GPC5: variants seen among roughly 807,000 people sequenced by gnomAD.
The protein encoded by GPC5 is glypican 5.
A neutral mutation model predicts 53.9 loss-of-function variants in GPC5; 47 were observed. The ratio of observed to expected loss-of-function variants is 0.87; its 90% CI spans 0.69 to 1.11. The LOEUF is 1.11. Ranked by LOEUF, GPC5 falls within the 50% of genes most tolerant of loss-of-function variation. The pLI, the probability that GPC5 is intolerant of heterozygous loss-of-function variation, is 0.00. For missense variants in GPC5, 748 were observed against 713.1 expected (o/e 1.05, Z -0.56); for synonymous variants, 286 against 263.3 (o/e 1.09, Z -0.84).
chr13:92,119,567 ATTTTTTTTTT>A (rs59391576), intron 6 of GPC5, among the ~76,000 whole-genome samples: 2 of 70,614 alleles, frequency 2.8e-5, no homozygotes, highest in Non-Finnish European at 4.9e-5. Flanking sequence ...CGCCTGGCTA[ATTTTTTTTTT>A]TTTTTTTTTT....
At chr13:92,181,091 C>G (rs985435497) in intron 7 of GPC5, among the ~76,000 whole-genome samples, 1 of 152,138 alleles carries the variant, frequency 6.6e-6, no homozygotes, top group Non-Finnish European at 1.5e-5. Context: ...TGGTTGTGAG[C>G]TACTACTCTT....
intron 7 of GPC5, among the ~76,000 whole-genome samples, chr13:92,317,414 G>A (rs2043186432): frequency 6.6e-6 from 1 of 152,102 alleles, no homozygotes; most frequent in Non-Finnish European, 1.5e-5. Context: ...AAAATGAAGA[G>A]AAGAGAAGAT....
intron 7 of GPC5, among the ~76,000 whole-genome samples, chr13:92,325,808 G>A (rs571703782): frequency 6.6e-6 from 1 of 152,146 alleles, no homozygotes; most frequent in South Asian, 2.1e-4. Flanking sequence ...AATAAGGAGT[G>A]ACAGAAAGAA....
At chr13:91,408,349 T>C (rs1877481891) in intron 1 of GPC5, among the ~76,000 whole-genome samples, 1 of 152,186 alleles carries the variant, frequency 6.6e-6, no homozygotes, top group African/African-American at 2.4e-5. Flanking sequence ...CTTAATATAA[T>C]GTCCTCCAGG....
intron 7 of GPC5, among the ~76,000 whole-genome samples, chr13:92,387,838 G>A (rs1326588532): frequency 1.3e-5 from 2 of 152,054 alleles, no homozygotes; most frequent in Non-Finnish European, 2.9e-5. Flanking sequence ...TCAAACGGTT[G>A]TTTTGAAAAT....
intron 5 of GPC5, among the ~76,000 whole-genome samples, chr13:91,764,780 G>T (rs2037489056): frequency 6.6e-6 from 1 of 152,132 alleles, no homozygotes; most frequent in Non-Finnish European, 1.5e-5. Context: ...CTTGTAGTTG[G>T]CAGGTTTCGA....
chr13:92,389,135 A>G lies in GPC5; in HGVS notation c.1561+244146A>G, dbSNP rs180827743. Among the ~76,000 whole-genome samples, 24 of 152,256 alleles carry G rather than the reference A, an allele frequency of 1.6e-4. No homozygotes were observed. In the East Asian group the frequency reaches 4.6e-3, roughly 29 times the overall value. ...GATTTAATGGTAGCTAAGTGCAAGGAATGTGCTGGTTGTTTCAAATACATG... is the reference window on the plus strand; with the variant it reads ...GATTTAATGGTAGCTAAGTGCAAGGGATGTGCTGGTTGTTTCAAATACATG... On this transcript the variant is annotated intron_variant, in intron 7 of 7. Transcript: ENST00000377067.
chr13:92,784,000 A>G (rs1228470430), intron 7 of GPC5, among the ~76,000 whole-genome samples: 2 of 152,202 alleles, frequency 1.3e-5, no homozygotes, highest in Admixed American at 6.5e-5. Context: ...TCTTGGTATC[A>G]GATCCCTAAT....
intron 2 of GPC5, among the ~76,000 whole-genome samples, chr13:91,574,462 T>C (rs2032058788): frequency 6.6e-6 from 1 of 152,112 alleles, no homozygotes. Context: ...TTCTGGAGTT[T>C]GATTCTACCA....
intron 7 of GPC5, among the ~76,000 whole-genome samples, chr13:92,215,245 T>G (rs913572889): frequency 6.6e-6 from 1 of 152,166 alleles, no homozygotes; most frequent in African/African-American, 2.4e-5. Context: ...TAAAACACAT[T>G]AGTATCTGTT....
At chr13:91,611,516 T>C (rs866434203) in intron 2 of GPC5, among the ~76,000 whole-genome samples, 1 of 152,224 alleles carries the variant, frequency 6.6e-6, no homozygotes, top group Middle Eastern at 3.2e-3. Flanking sequence ...CCTTCAGCCA[T>C]TAGTTCATCA....
At chr13:92,192,941 T>C (rs1411954661) in intron 7 of GPC5, among the ~76,000 whole-genome samples, 3 of 151,850 alleles carry the variant, frequency 2.0e-5, no homozygotes, top group African/African-American at 7.3e-5. Context: ...CTTTGGGAGG[T>C]CAAGGCGGGC....
intron 2 of GPC5, among the ~76,000 whole-genome samples, chr13:91,683,923 C>G (rs568353302): frequency 6.6e-6 from 1 of 152,138 alleles, no homozygotes; most frequent in Non-Finnish European, 1.5e-5. Flanking sequence ...ATAACGTTGC[C>G]TTAATTCTTG....
chr13:91,822,208 A>G (rs538169065), intron 5 of GPC5, among the ~76,000 whole-genome samples: 4 of 152,284 alleles, frequency 2.6e-5, no homozygotes, highest in Admixed American at 1.3e-4. Flanking sequence ...TAAGCCATCA[A>G]TCATCAACTT....
intron 7 of GPC5, among the ~76,000 whole-genome samples, chr13:92,541,021 G>C (rs1881914878): frequency 6.6e-6 from 1 of 151,752 alleles, no homozygotes; most frequent in Non-Finnish European, 1.5e-5. Context: ...GATATAACAG[G>C]TGAAGATTCA....
chr13:91,820,323 T>C (rs2038471893), intron 5 of GPC5, among the ~76,000 whole-genome samples: 1 of 152,174 alleles, frequency 6.6e-6, no homozygotes, highest in African/African-American at 2.4e-5. Context: ...AATAAAAATA[T>C]GTTGTTAATA....
In GPC5 at chr13:92,289,684, TCAC is replaced by T. The variant is rs2042980493; in HGVS notation, c.1561+144699_1561+144701del. 6.6e-5 allele frequency among the ~76,000 whole-genome samples: 10 copies of T among 152,120 alleles called. No individual in the cohort carries two copies. In the South Asian group the frequency reaches 2.1e-3, roughly 31 times the overall value. On this transcript the variant is annotated intron_variant, in intron 7 of 7. Coordinates refer to ENST00000377067, the MANE Select transcript of GPC5 (RefSeq NM_004466.6). ...GTAAATCTATGAGGATGAGTACGCT[TCAC>T]CACTAACTTTTCTCAATATGAATGT... is the stretch of plus-strand genomic sequence containing the variant.
chr13:92,853,320 T>C (rs1249336473), intron 7 of GPC5, among the ~76,000 whole-genome samples: 1 of 147,652 alleles, frequency 6.8e-6, no homozygotes, highest in Non-Finnish European at 1.5e-5. Context: ...ATGACACAGA[T>C]GGTGATAATT....
intron 6 of GPC5, among the ~76,000 whole-genome samples, chr13:91,963,956 G>C (rs370122706): frequency 1.3e-5 from 2 of 152,236 alleles, no homozygotes; most frequent in Non-Finnish European, 2.9e-5. Context: ...AGACAGTGTG[G>C]GGATTCCTCA....
Sources: allele counts gnomAD v4.1 joint callset (sites outside exome capture counted in the v4.1 genomes callset), GRCh38; gene constraint gnomAD v4.1.1; transcripts MANE v1.5; gene names NCBI Gene and HGNC (gene_info 2026-07-23, HGNC 2026-07-21).